ERC2: variants seen among roughly 807,000 people sequenced by gnomAD.
The protein encoded by ERC2 is ERC protein 2.
A neutral mutation model predicts 114.8 loss-of-function variants in ERC2; 42 were observed. The ratio of observed to expected loss-of-function variants is 0.37; its 90% CI spans 0.29 to 0.47. The LOEUF is 0.47. Ranked by LOEUF, ERC2 falls within the 20% of genes least tolerant of loss-of-function variation. ERC2 has a pLI of 0.99. For missense variants in ERC2, 939 were observed against 1,150.7 expected, an observed-to-expected ratio of 0.82 and a Z score of 2.66; for synonymous variants, 454 against 425.5, an observed-to-expected ratio of 1.07 and a Z score of -0.82.
At chr3:55,624,570 G>A (rs527711495) in intron 17 of ERC2, among the ~76,000 whole-genome samples, 183 of 152,328 alleles carry the variant, frequency 1.2e-3, no homozygotes, top group Middle Eastern at 3.4e-3. Context: ...GACTAGACAT[G>A]AGGTGTTAAT....
At chr3:55,534,887 A>G (rs2053897950) in intron 17 of ERC2, among the ~76,000 whole-genome samples, 1 of 152,192 alleles carries the variant, frequency 6.6e-6, no homozygotes, top group African/African-American at 2.4e-5. Flanking sequence ...GATGGCCCCC[A>G]TGGTTTTGAG....
chr3:56,460,446 G>A (rs2063260562), intron 1 of ERC2, among the ~76,000 whole-genome samples: 2 of 152,138 alleles, frequency 1.3e-5, no homozygotes, highest in Non-Finnish European at 2.9e-5. Flanking sequence ...ACAGCCAAAG[G>A]CAAAGCTCCT....
intron 11 of ERC2, among the ~76,000 whole-genome samples, chr3:55,989,144 G>A (rs909239769): frequency 1.3e-5 from 2 of 152,202 alleles, no homozygotes; most frequent in Non-Finnish European, 2.9e-5. Context: ...CCCACCACAC[G>A]TTTTATGAAT....
At chr3:55,565,657 G>A (rs1489451588) in intron 17 of ERC2, among the ~76,000 whole-genome samples, 1 of 152,152 alleles carries the variant, frequency 6.6e-6, no homozygotes, top group Non-Finnish European at 1.5e-5. Context: ...CTAGATCCAT[G>A]TAGGCTCACT....
chr3:56,160,969 T>C (rs1430494116), intron 4 of ERC2, among the ~76,000 whole-genome samples: 1 of 152,284 alleles, frequency 6.6e-6, no homozygotes, highest in East Asian at 1.9e-4. Flanking sequence ...GGATGTTTGC[T>C]CCAAATCTTA....
At chr3:56,411,904 A>T (rs1204492582) in intron 2 of ERC2, among the ~76,000 whole-genome samples, 1 of 152,216 alleles carries the variant, frequency 6.6e-6, no homozygotes, top group Non-Finnish European at 1.5e-5. Context: ...ACTGCAACAG[A>T]AAAAAAGCTG....
chr3:55,742,953 C>G (rs150422159), intron 14 of ERC2, among the ~76,000 whole-genome samples: 14 of 152,266 alleles, frequency 9.2e-5, no homozygotes, highest in African/African-American at 3.4e-4. Context: ...GTGGGGCCCA[C>G]AGGGTGAGAT....
At chr3:56,197,370 G>A (rs979722193) in intron 3 of ERC2, among the ~76,000 whole-genome samples, 2 of 152,108 alleles carry the variant, frequency 1.3e-5, no homozygotes, top group African/African-American at 2.4e-5. Flanking sequence ...GTTAGAATAC[G>A]CCTACCATAG....
rs75888561 is a variant in ERC2 at position 55,986,293 on chromosome 3, A to G, written c.2256-305T>C. Among the ~76,000 whole-genome samples the G allele has an allele frequency of 0.016, 2,396 of 152,312 alleles. 93 individuals are homozygous for G. In the East Asian group the frequency reaches 0.17, roughly 11 times the overall value. On this transcript the variant is annotated intron_variant, in intron 11 of 17. Transcript: ENST00000288221. ...TGTGCTCCCACAGTACAATGACAGC[A>G]TCAGCCCTTCTCTGGAGGAATATTT...
chr3:56,206,753 A>T (rs1013992970), intron 3 of ERC2, among the ~76,000 whole-genome samples: 3 of 152,234 alleles, frequency 2.0e-5, no homozygotes, highest in Non-Finnish European at 4.4e-5. Flanking sequence ...ATTCCAGGAC[A>T]TTCCCTTAGC....
At chr3:55,862,557 G>A (rs1404909389) in intron 14 of ERC2, among the ~76,000 whole-genome samples, 1 of 152,140 alleles carries the variant, frequency 6.6e-6, no homozygotes, top group African/African-American at 2.4e-5. Context: ...TGTTACGTGA[G>A]AAAACATATT....
chr3:55,537,619 TG>T (rs2054084579), intron 17 of ERC2, among the ~76,000 whole-genome samples: 1 of 152,200 alleles, frequency 6.6e-6, no homozygotes. Context: ...CTGCATACTC[TG>T]GGTCAACCTC....
At chr3:56,329,356 G>A (rs1249585059) in intron 2 of ERC2, among the ~76,000 whole-genome samples, 2 of 152,042 alleles carry the variant, frequency 1.3e-5, no homozygotes, top group Non-Finnish European at 2.9e-5. Context: ...AAAACTCCAG[G>A]GGAGCCTGGA....
At chr3:55,661,035 C>T (rs2061108397) in intron 17 of ERC2, among the ~76,000 whole-genome samples, 1 of 152,192 alleles carries the variant, frequency 6.6e-6, no homozygotes, top group Non-Finnish European at 1.5e-5. Flanking sequence ...GTAAAAAATG[C>T]ACCAGCTTGT....
chr3:56,344,904 G>A (rs565004263), intron 2 of ERC2, among the ~76,000 whole-genome samples: 4 of 152,312 alleles, frequency 2.6e-5, no homozygotes, highest in South Asian at 2.1e-4. Context: ...ACACATCCTC[G>A]TTGGATGTGT....
chr3:55,857,647 C>G (rs555198214), intron 14 of ERC2, among the ~76,000 whole-genome samples: 51 of 152,262 alleles, frequency 3.3e-4, no homozygotes, highest in African/African-American at 1.2e-3. Flanking sequence ...TGGGAGCATA[C>G]TTTCATTGCT....
intron 17 of ERC2, among the ~76,000 whole-genome samples, chr3:55,555,383 G>A (rs1309343435): frequency 6.6e-6 from 1 of 152,204 alleles, no homozygotes; most frequent in African/African-American, 2.4e-5. Flanking sequence ...TGAGTCCTGA[G>A]CAAGACCTGG....
At chr3:55,990,747 T>C (rs940983868) in intron 11 of ERC2, among the ~76,000 whole-genome samples, 3 of 152,208 alleles carry the variant, frequency 2.0e-5, no homozygotes, top group Non-Finnish European at 2.9e-5. Flanking sequence ...CATTTGTTCA[T>C]AATGATATAC....
intron 2 of ERC2, among the ~76,000 whole-genome samples, chr3:56,380,478 A>G (rs554839745): frequency 3.9e-5 from 6 of 152,124 alleles, no homozygotes; most frequent in African/African-American, 1.4e-4. Flanking sequence ...TCCTGCCACA[A>G]TCACCTTTTG....
Sources: gnomAD v4.1 joint callset for allele counts (sites outside exome capture counted in the v4.1 genomes callset) on GRCh38, gnomAD v4.1.1 for gene constraint, MANE v1.5 for transcripts, NCBI Gene and HGNC (gene_info 2026-07-23, HGNC 2026-07-21) for gene names.